ZC3H3: variants seen among roughly 807,000 people sequenced by gnomAD.
ZC3H3 encodes the protein zinc finger CCCH domain-containing protein 3.
A neutral mutation model predicts 77.3 loss-of-function variants in ZC3H3; 36 were observed. The observed-to-expected ratio is 0.47, with a 90% CI of 0.36 to 0.61. The LOEUF (loss-of-function observed/expected upper bound fraction) is 0.61. ZC3H3 is among the 20% of genes least tolerant of loss of function. ZC3H3 has a pLI of 0.00. For missense variants in ZC3H3, 1,331 were observed against 1,312.2 expected, an observed-to-expected ratio of 1.01 and a Z score of -0.22; for synonymous variants, 626 against 555.2, an observed-to-expected ratio of 1.13 and a Z score of -1.79.
chr8:143,439,227 G>A lies in ZC3H3; in HGVS notation c.2815+814C>T, dbSNP rs184157624. ...CTCGTGGGGCGGAGGGTCTGGCCAC[G>A]GCTCCACGCCCCTGACGTGGAGGCT... On this transcript the variant is annotated intron_variant, in intron 11 of 11. Coordinates refer to ENST00000262577, the MANE Select transcript of ZC3H3 (RefSeq NM_015117.3). 6.4e-3 allele frequency among the ~76,000 whole-genome samples: 969 copies of A among 152,278 alleles called. 6 individuals are homozygous for A. Among genetic ancestry groups the A allele is most frequent in the African/African-American group, 0.022 (907 of 41,548 alleles).
At chr8:143,478,444 C>T (rs1042468352) in intron 4 of ZC3H3, among the ~76,000 whole-genome samples, 3 of 152,224 alleles carry the variant, frequency 2.0e-5, no homozygotes, top group Non-Finnish European at 2.9e-5. Context: ...CCAGGGCCGC[C>T]CCTCAGCTCT....
intron 9 of ZC3H3, among the ~76,000 whole-genome samples, chr8:143,445,545 T>C (rs1819845531): frequency 6.6e-6 from 1 of 151,710 alleles, no homozygotes; most frequent in Non-Finnish European, 1.5e-5. Flanking sequence ...AAAACAAAAT[T>C]AGCCAGGTGT....
chr8:143,451,302 A>C (rs1819981720), intron 9 of ZC3H3, among the ~76,000 whole-genome samples: 1 of 152,152 alleles, frequency 6.6e-6, no homozygotes, highest in African/African-American at 2.4e-5. Flanking sequence ...CACTAGCAAA[A>C]CCAAAAGCTG....
At chr8:143,483,858 A>C (rs1488579325) in intron 4 of ZC3H3, among the ~76,000 whole-genome samples, 11 of 152,206 alleles carry the variant, frequency 7.2e-5, no homozygotes, top group Admixed American at 7.2e-4. Flanking sequence ...GCTGCTGTTC[A>C]GCAGGGGCTC....
chr8:143,506,551 G>A lies in ZC3H3; in HGVS notation c.1715+1195C>T, dbSNP rs564999971. 2.6e-5 allele frequency among the ~76,000 whole-genome samples: 4 copies of A among 152,258 alleles called. No individual in the cohort carries two copies. The South Asian group carries it at 8.3e-4, about 32-fold the overall frequency. On this transcript the variant is annotated intron_variant, in intron 4 of 11. Coordinates refer to ENST00000262577, the MANE Select transcript of ZC3H3 (RefSeq NM_015117.3). ...GCAGGTGTAAATTTAACCTTATCGA[G>A]AGAATAAAAATTATCTTCATAAATT...
chr8:143,465,903 A>G, intron 8 of ZC3H3, 55 bp from the exon 9 acceptor site: 1 of 1,572,156 alleles, frequency 6.4e-7, no homozygotes, highest in Non-Finnish European at 8.6e-7. Flanking sequence ...CAGGGCCCAG[A>G]GACGGTGGCT....
chr8:143,496,723 T>C (rs987226943), intron 4 of ZC3H3, among the ~76,000 whole-genome samples: 12 of 151,928 alleles, frequency 7.9e-5, no homozygotes, highest in Non-Finnish European at 1.5e-5. Flanking sequence ...TCCCCAACAA[T>C]TGCCCAAAGT....
At chr8:143,540,301 ACGGCTCACTGCAGC>A (rs76039786) in intron 1 of ZC3H3, among the ~76,000 whole-genome samples, 22,067 of 152,068 alleles carry the variant, frequency 0.15, 1,693 homozygotes, top group Admixed American at 0.21. Flanking sequence ...TGGCCCAATC[ACGGCTCACTGCAGC>A]CGGGACCTCC....
intron 1 of ZC3H3, 135 bp from the exon 2 acceptor site, chr8:143,539,455 G>A (rs1822937362): frequency 3.2e-6 from 3 of 950,740 alleles, no homozygotes; most frequent in Non-Finnish European, 4.6e-6. Flanking sequence ...TTCAGGAGGG[G>A]CAGCCCCCAG....
At chr8:143,518,603 C>T (rs115420828) in intron 3 of ZC3H3, among the ~76,000 whole-genome samples, 2,715 of 152,344 alleles carry the variant, frequency 0.018, 78 homozygotes, top group African/African-American at 0.061. Context: ...GTGGGCAGGC[C>T]GCAGAGGGGA....
chr8:143,451,782 T>TAA (rs547990960), intron 9 of ZC3H3, among the ~76,000 whole-genome samples: 2 of 112,510 alleles, frequency 1.8e-5, no homozygotes, highest in Non-Finnish European at 3.8e-5. Flanking sequence ...AGACTCTGCC[T>TAA]AAAAAAAAAA....
chr8:143,464,118 G>A (rs896788000), intron 9 of ZC3H3, among the ~76,000 whole-genome samples: 18 of 152,214 alleles, frequency 1.2e-4, no homozygotes, highest in Non-Finnish European at 2.4e-4. Context: ...CCGGGCTGCC[G>A]CCTGTCCCCG....
intron 9 of ZC3H3, among the ~76,000 whole-genome samples, chr8:143,455,174 T>TAAG (rs933284524): frequency 1.3e-5 from 2 of 151,518 alleles, no homozygotes; most frequent in African/African-American, 4.9e-5. Flanking sequence ...ATTAGCTGGG[T>TAAG]GTGGTGGCGG....
At chr8:143,521,652 T>A (rs1403274441) in intron 3 of ZC3H3, among the ~76,000 whole-genome samples, 1 of 152,082 alleles carries the variant, frequency 6.6e-6, no homozygotes, top group Non-Finnish European at 1.5e-5. Flanking sequence ...CCAAGCAGCC[T>A]CCCCGCACCG....
intron 8 of ZC3H3, among the ~76,000 whole-genome samples, chr8:143,466,463 C>T (rs966674695): frequency 3.3e-5 from 5 of 152,236 alleles, no homozygotes; most frequent in African/African-American, 7.2e-5. Context: ...AGCACAGGGC[C>T]GCTGGCCACA....
chr8:143,505,184 C>A (rs971934416), intron 4 of ZC3H3, among the ~76,000 whole-genome samples: 6 of 152,224 alleles, frequency 3.9e-5, no homozygotes, highest in African/African-American at 1.4e-4. Context: ...GGAGCTGGGG[C>A]CCAAGGAGAG....
intron 4 of ZC3H3, among the ~76,000 whole-genome samples, chr8:143,485,929 C>T (rs1040123108): frequency 2.0e-5 from 3 of 152,262 alleles, no homozygotes; most frequent in Non-Finnish European, 2.9e-5. Flanking sequence ...ACAGGAGACA[C>T]GGGCCTGAGA....
intron 3 of ZC3H3, among the ~76,000 whole-genome samples, chr8:143,510,910 C>T (rs979441863): frequency 6.6e-6 from 1 of 152,222 alleles, no homozygotes; most frequent in Non-Finnish European, 1.5e-5. Context: ...GGCGATGCCC[C>T]GGCCCGCGTT....
chr8:143,477,999 G>C (rs1820786188), intron 4 of ZC3H3, among the ~76,000 whole-genome samples: 1 of 152,114 alleles, frequency 6.6e-6, no homozygotes, highest in Non-Finnish European at 1.5e-5. Context: ...TGAGTAGATG[G>C]TAAGTCTGCA....
Sources: gnomAD v4.1 joint callset for allele counts (sites outside exome capture counted in the v4.1 genomes callset) on GRCh38, gnomAD v4.1.1 for gene constraint, MANE v1.5 for transcripts, NCBI Gene and HGNC (gene_info 2026-07-23, HGNC 2026-07-21) for gene names.